NFILZ: variants seen among roughly 807,000 people sequenced by gnomAD.
NFILZ encodes the protein NFIL3 like protein.
At chr19:8,645,497 C>A (rs1416606011) in intron 3 of NFILZ, among the ~76,000 whole-genome samples, 1 of 152,106 alleles carries the variant, frequency 6.6e-6, no homozygotes, top group African/African-American at 2.4e-5. Flanking sequence ...TGGCTCCAAA[C>A]CCCAGCTCCC....
In NFILZ at chr19:8,656,452, CA is replaced by C. The variant is rs1418920035; in HGVS notation, c.-163-18098del. Among the ~76,000 whole-genome samples the C allele has an allele frequency of 2.5e-4, 23 of 91,402 alleles. 2 individuals are homozygous for C. Among genetic ancestry groups the C allele is most frequent in the African/African-American group, 8.7e-4 (22 of 25,384 alleles). The allele number at this position is 91,402 out of a possible 152,430, so 60.0% of individuals were successfully genotyped here. Reference sequence around the variant, plus strand: ...CGCAGCCCACCTTCTCCTCGAAGCCCACCTTCTCTCTGAAGCCCACCTTCTC... The same window carrying C: ...CGCAGCCCACCTTCTCCTCGAAGCCCCCTTCTCTCTGAAGCCCACCTTCTC... On this transcript the variant is annotated intron_variant, in intron 3 of 5. Coordinates refer to ENST00000691075, the MANE Select transcript of NFILZ (RefSeq NM_001378600.1).
intron 3 of NFILZ, 36 bp downstream of exon 3, chr19:8,635,782 G>A (rs975627844): frequency 6.6e-6 from 1 of 152,034 alleles, no homozygotes; most frequent in Non-Finnish European, 1.5e-5. Context: ...ATACCTATGA[G>A]TCCTTATTCT....
intron 3 of NFILZ, among the ~76,000 whole-genome samples, chr19:8,667,213 T>C (rs1444387336): frequency 3.3e-5 from 5 of 152,150 alleles, no homozygotes; most frequent in Non-Finnish European, 7.4e-5. Context: ...AAACAACCCT[T>C]AGAGAGCCAC....
chr19:8,668,659 A>C (rs2043073552), intron 3 of NFILZ, among the ~76,000 whole-genome samples: 1 of 152,120 alleles, frequency 6.6e-6, no homozygotes, highest in Admixed American at 6.5e-5. Flanking sequence ...CTGCACGTGC[A>C]TGCTTTTGAC....
intron 3 of NFILZ, among the ~76,000 whole-genome samples, chr19:8,651,850 C>A (rs558607766): frequency 4.3e-4 from 65 of 151,808 alleles, no homozygotes; most frequent in Non-Finnish European, 8.4e-4. Context: ...ATATTTTGGA[C>A]CCATTAAACA....
At chr19:8,637,243 G>A (rs1192998595) in intron 3 of NFILZ, among the ~76,000 whole-genome samples, 4 of 152,022 alleles carry the variant, frequency 2.6e-5, no homozygotes, top group African/African-American at 9.7e-5. Context: ...CTCTCAGAAG[G>A]CTGAAGCAGG....
chr19:8,645,435 TG>T (rs1199113947), intron 3 of NFILZ, among the ~76,000 whole-genome samples: 28 of 152,072 alleles, frequency 1.8e-4, no homozygotes, highest in African/African-American at 6.7e-4. Flanking sequence ...CCACAGTTCC[TG>T]GCTCCTACAT....
intron 3 of NFILZ, among the ~76,000 whole-genome samples, chr19:8,672,660 A>C (rs1204273490): frequency 1.3e-5 from 2 of 152,220 alleles, no homozygotes; most frequent in African/African-American, 2.4e-5. Context: ...AGTTCATGCC[A>C]AAAATCCATG....
At chr19:8,662,745 T>A (rs1314431858) in intron 3 of NFILZ, among the ~76,000 whole-genome samples, 1 of 151,558 alleles carries the variant, frequency 6.6e-6, no homozygotes, top group African/African-American at 2.4e-5. Flanking sequence ...CAAGCAGTTA[T>A]CCTGCCTCAG....
rs2043125047 is a variant in NFILZ, at chr19:8,678,130, C to CACCT, written c.*496_*497insCCTA. On this transcript the variant is annotated 3_prime_UTR_variant, in exon 6 of 6. Coordinates refer to ENST00000691075, the MANE Select transcript of NFILZ (RefSeq NM_001378600.1). Reference sequence around the variant, plus strand: ...CCATCCATCCATCCATCCATCCCTCCATCCATTCATCCACTTGTCCGTCCA... The same window carrying CACCT: ...CCATCCATCCATCCATCCATCCCTCCACCTATCCATTCATCCACTTGTCCGTCCA... Among the ~76,000 whole-genome samples, 2 of 1,224 alleles carry CACCT rather than the reference C, an allele frequency of 1.6e-3. No individual in the cohort carries two copies. The highest frequency in any genetic ancestry group is 5.0e-3 in the African/African-American group (2 of 398). 0.8% of individuals were successfully genotyped at this position (1,224 alleles called of 152,430 possible). A position where few individuals can be genotyped will look rare whatever the true frequency, so the allele number is the denominator to read the frequency against.
At chr19:8,644,995 C>T (rs1379364823) in intron 3 of NFILZ, among the ~76,000 whole-genome samples, 1 of 151,760 alleles carries the variant, frequency 6.6e-6, no homozygotes, top group South Asian at 2.1e-4. Flanking sequence ...GAACTCCTGA[C>T]CTCAGGTGAT....
intron 3 of NFILZ, among the ~76,000 whole-genome samples, chr19:8,667,792 A>G (rs6511830): frequency 1.3e-5 from 2 of 151,562 alleles, no homozygotes; most frequent in African/African-American, 4.8e-5. Flanking sequence ...GTGATCCCCC[A>G]ACCTCGGCCT....
In NFILZ at chr19:8,663,752, G is replaced by GTGTGTGTGTGTGTGTGTATGTGTGTA. The variant is rs2043047454; in HGVS notation, c.-163-10782_-163-10781insATGTGTGTATGTGTGTGTGTGTGTGT. On this transcript the variant is annotated intron_variant, in intron 3 of 5. Transcript: ENST00000691075. ...TGTGTGTGTGTGTGTGTGTGTGTGT[G>GTGTGTGTGTGTGTGTGTATGTGTGTA]TGTGTGTGTGTGTGTGTGTATGTAT... Among the ~76,000 whole-genome samples, 32 of 127,804 alleles carry GTGTGTGTGTGTGTGTGTATGTGTGTA rather than the reference G, an allele frequency of 2.5e-4. 1 individual carries two copies. In the South Asian group the frequency reaches 3.0e-3, roughly 12 times the overall value. The allele number at this position is 127,804 out of a possible 152,430, so 83.8% of individuals were successfully genotyped here.
intron 3 of NFILZ, among the ~76,000 whole-genome samples, chr19:8,649,989 C>T (rs1423938235): frequency 6.6e-6 from 1 of 151,910 alleles, no homozygotes; most frequent in Non-Finnish European, 1.5e-5. Flanking sequence ...GTCGTGGGCG[C>T]CTGTAATCCC....
chr19:8,647,579 C>A (rs916478634), intron 3 of NFILZ, among the ~76,000 whole-genome samples: 8 of 147,610 alleles, frequency 5.4e-5, no homozygotes, highest in Admixed American at 1.4e-4. Flanking sequence ...TCCCCGCACC[C>A]CCCCCCCCAA....
chr19:8,666,877 G>A (rs1424934477), intron 3 of NFILZ, among the ~76,000 whole-genome samples: 5 of 151,636 alleles, frequency 3.3e-5, no homozygotes, highest in Admixed American at 3.3e-4. Context: ...TGGGACCAGA[G>A]GTGCACACCA....
intron 3 of NFILZ, among the ~76,000 whole-genome samples, chr19:8,657,029 G>A (rs1187240810): frequency 6.6e-6 from 1 of 152,024 alleles, no homozygotes; most frequent in Non-Finnish European, 1.5e-5. Context: ...GATTTGGGGT[G>A]CAGTATTCTG....
chr19:8,664,337 A>C (rs538614359), intron 3 of NFILZ, among the ~76,000 whole-genome samples: 33 of 152,204 alleles, frequency 2.2e-4, no homozygotes, highest in Non-Finnish European at 3.7e-4. Flanking sequence ...CCTTGGCCTC[A>C]CCGGCTCTGG....
chr19:8,643,776 G>A (rs781987040), intron 3 of NFILZ, among the ~76,000 whole-genome samples: 1 of 151,984 alleles, frequency 6.6e-6, no homozygotes, highest in South Asian at 2.1e-4. Context: ...CAGATCATAG[G>A]ATGTCTCAGC....
Sources: gnomAD v4.1 joint callset for allele counts (sites outside exome capture counted in the v4.1 genomes callset) on GRCh38, gnomAD v4.1.1 for gene constraint, MANE v1.5 for transcripts, NCBI Gene and HGNC (gene_info 2026-07-23, HGNC 2026-07-21) for gene names.